The following CLCA1 variants were observed in gnomAD, a reference collection of about 807,000 sequenced individuals.
CLCA1 encodes calcium-activated chloride channel regulator 1.
In CLCA1, 59 loss-of-function variants were observed where a neutral mutation model predicts 85.6. That is an observed-to-expected ratio of 0.69 (90% CI 0.56 to 0.86). CLCA1 has a LOEUF of 0.86. CLCA1 is among the 40% of genes least tolerant of loss of function. The pLI, the probability that CLCA1 is intolerant of heterozygous loss-of-function variation, is 0.00. For synonymous variants in CLCA1, 396 were observed against 398.3 expected, an observed-to-expected ratio of 0.99 and a Z score of 0.07; for missense variants, 1,022 against 1,101.4, an observed-to-expected ratio of 0.93 and a Z score of 1.02.
At chr1:86,495,321 A>G (rs5744406) in intron 11 of CLCA1, among the ~76,000 whole-genome samples, 184 bp from the exon 12 acceptor site, 2,400 of 152,358 alleles carry the variant, frequency 0.016, 65 homozygotes, top group African/African-American at 0.054. Context: ...CAGAATGTAT[A>G]CATAAAACCA....
chr1:86,484,116 C>G (rs1324535326), intron 5 of CLCA1, among the ~76,000 whole-genome samples: 1 of 152,188 alleles, frequency 6.6e-6, no homozygotes. Context: ...AGATCCCTCC[C>G]TCGACACGTG....
chr1:86,482,147 ACT>A, intron 4 of CLCA1, 56 bp from the exon 5 acceptor site: 3 of 1,328,290 alleles, frequency 2.3e-6, no homozygotes, highest in Non-Finnish European at 3.2e-6. Flanking sequence ...CTGAGCATAG[ACT>A]CTGACCCTTT....
chr1:86,500,064 T>TA lies in CLCA1; in HGVS notation c.*22dup. 6.6e-7 allele frequency: 1 copy of TA among 1,506,432 alleles called. No individual in the cohort carries two copies. Among genetic ancestry groups the TA allele is most frequent in the Non-Finnish European group, 9.0e-7 (1 of 1,107,068 alleles). The allele number at this position is 1,506,432 out of a possible 1,614,324, so 93.3% of individuals were successfully genotyped here. A position where few individuals can be genotyped will look rare whatever the true frequency, so the allele number is the denominator to read the frequency against. On this transcript the variant is annotated 3_prime_UTR_variant, in exon 14 of 14. Transcript: ENST00000394711. ...AGCCTAGGGCTGAATTTTTGTCAGA[T>TA]AAATAAAATAAATCATTCATCCTTT...
At chr1:86,484,873 A>G (rs188111141) in intron 5 of CLCA1, among the ~76,000 whole-genome samples, 2 of 152,222 alleles carry the variant, frequency 1.3e-5, no homozygotes, top group East Asian at 3.9e-4. Flanking sequence ...TCAATAATGA[A>G]CATGTGGAGT....
At chr1:86,488,464 T>C (rs1225858840) in intron 7 of CLCA1, among the ~76,000 whole-genome samples, 2 of 152,198 alleles carry the variant, frequency 1.3e-5, no homozygotes, top group African/African-American at 4.8e-5. Flanking sequence ...AAATGAAATG[T>C]TTTGCTTTAA....
At chr1:86,490,366 A>G (rs1239600123) in intron 8 of CLCA1, among the ~76,000 whole-genome samples, 3 of 152,212 alleles carry the variant, frequency 2.0e-5, no homozygotes, top group Non-Finnish European at 4.4e-5. Context: ...TATAATAGTT[A>G]AAAAGTGCTT....
In CLCA1 at chr1:86,473,858, G is replaced by A; in HGVS notation, c.433G>A (p.Ala145Thr). 6.2e-7 allele frequency: 1 copy of A among 1,606,130 alleles called. No homozygotes were observed. The highest frequency in any genetic ancestry group is 2.2e-5 in the East Asian group (1 of 44,818). Residue 145 changes from alanine (A) to threonine (T), a missense_variant, in exon 3 of 14, where the codon GCT becomes ACT. Physicochemically the swap from Ala to Thr is moderately conservative, Grantham distance 58. Transcript: ENST00000394711. ...TPDFIAGKKLAEYGPQGRAFV... is the reference protein window; with the variant it reads ...TPDFIAGKKLTEYGPQGRAFV... Reference sequence around the variant, plus strand: ...TGATTTCATTGCAGGAAAAAAGTTAGCTGAATATGGACCACAAGGTATGAA... The same window carrying A: ...TGATTTCATTGCAGGAAAAAAGTTAACTGAATATGGACCACAAGGTATGAA...
chr1:86,474,016 A>T, intron 3 of CLCA1, 140 bp downstream of exon 3: 1 of 536,524 alleles, frequency 1.9e-6, no homozygotes, highest in East Asian at 3.1e-5. Context: ...TTTCACTTAA[A>T]ATAGAACATG....
chr1:86,474,224 C>A (rs764225704), intron 3 of CLCA1, among the ~76,000 whole-genome samples: 1 of 152,322 alleles, frequency 6.6e-6, no homozygotes, highest in African/African-American at 2.4e-5. Context: ...GCAATTCATA[C>A]AATAGCCACC....
rs926062 is a variant in CLCA1, at chr1:86,499,931, T to G, written c.2631T>G (p.Pro877=). ...AGACTCCGCCAGAGACACCTAGTCC[T>G]GATGAAACGTCTGCTCCTTGTCCTA... ...PPQTPPETPS[P]DETSAPCPNI... is the part of the protein sequence containing the mutation. The change falls in exon 14 of 14, where the codon CCT becomes CCG. Residue 877 remains proline (P), a synonymous_variant. Transcript: ENST00000394711. 2.0e-5 allele frequency: 33 copies of G among 1,613,722 alleles called. No homozygotes were observed. In the South Asian group the frequency reaches 3.5e-4, roughly 17 times the overall value.
intron 3 of CLCA1, among the ~76,000 whole-genome samples, chr1:86,474,652 G>A (rs1042615053): frequency 4.6e-5 from 7 of 151,848 alleles, no homozygotes; most frequent in African/African-American, 1.7e-4. Context: ...TGATTCTACC[G>A]GTCTGTGGAT....
intron 4 of CLCA1, among the ~76,000 whole-genome samples, chr1:86,480,939 G>T (rs1647800620): frequency 6.6e-6 from 1 of 152,078 alleles, no homozygotes. Flanking sequence ...TCAAACTTTT[G>T]GATATAGTAA....
At chr1:86,477,639 A>C (rs904692242) in intron 4 of CLCA1, among the ~76,000 whole-genome samples, 4 of 152,250 alleles carry the variant, frequency 2.6e-5, no homozygotes, top group Admixed American at 6.5e-5. Context: ...AAAGATTTCA[A>C]ATAAAAGGAT....
intron 1 of CLCA1, among the ~76,000 whole-genome samples, chr1:86,472,362 C>A (rs1166970983): frequency 6.6e-6 from 1 of 152,204 alleles, no homozygotes; most frequent in Non-Finnish European, 1.5e-5. Flanking sequence ...GCTCTCTCAT[C>A]CCACAGCTCC....
intron 5 of CLCA1, 148 bp from the exon 6 acceptor site, chr1:86,485,195 A>T: frequency 1.5e-6 from 1 of 655,226 alleles, no homozygotes; most frequent in Non-Finnish European, 2.7e-6. Context: ...AATCTGCATT[A>T]TTACTGTGAT....
At chr1:86,481,342 T>C (rs1647815547) in intron 4 of CLCA1, among the ~76,000 whole-genome samples, 1 of 152,030 alleles carries the variant, frequency 6.6e-6, no homozygotes, top group Admixed American at 6.6e-5. Context: ...TTTCGCCATG[T>C]TGCCCAGGCT....
At chr1:86,498,452 G>A (rs1050584837) in intron 12 of CLCA1, 120 bp from the exon 13 acceptor site, 3 of 926,768 alleles carry the variant, frequency 3.2e-6, no homozygotes, top group Non-Finnish European at 5.0e-6. Context: ...TTAATTCTGT[G>A]TGTGGAAGGA....
chr1:86,490,898 C>CT (rs1303881280), intron 8 of CLCA1, among the ~76,000 whole-genome samples: 2 of 36,388 alleles, frequency 5.5e-5, no homozygotes, highest in Non-Finnish European at 9.2e-5. Flanking sequence ...AAACCCATCT[C>CT]TAAAAAAAAA....
intron 11 of CLCA1, 34 bp downstream of exon 11, chr1:86,494,482 CT>C (rs1558146267): frequency 6.2e-7 from 1 of 1,608,366 alleles, no homozygotes; most frequent in Non-Finnish European, 8.5e-7. Flanking sequence ...ATATTTATTT[CT>C]TTTTCCAAGA....
Sources: allele counts gnomAD v4.1 joint callset (sites outside exome capture counted in the v4.1 genomes callset), GRCh38; gene constraint gnomAD v4.1.1; transcripts MANE v1.5; gene names NCBI Gene and HGNC (gene_info 2026-07-23, HGNC 2026-07-21).